The following FREM1 variants were observed in gnomAD, a reference collection of about 807,000 sequenced individuals.
FREM1 encodes FRAS1 related extracellular matrix 1.
Under a neutral mutation model 210.1 loss-of-function variants are expected in FREM1, and 220 were observed. That is an observed-to-expected ratio of 1.05 (90% CI 0.94 to 1.17). FREM1 has a LOEUF of 1.17. Among genes scored for constraint, FREM1 ranks in the 50% most tolerant of loss-of-function variants. The pLI, the probability that FREM1 is intolerant of heterozygous loss-of-function variation, is 0.00. For synonymous variants in FREM1, 1,189 were observed against 980.2 expected (o/e 1.21, Z -3.98); for missense variants, 3,454 against 2,675.5 (o/e 1.29, Z -6.42).
intron 1 of FREM1, among the ~76,000 whole-genome samples, chr9:14,871,249 G>T (rs536685157): frequency 6.6e-6 from 1 of 152,286 alleles, no homozygotes; most frequent in African/African-American, 2.4e-5. Context: ...CACAATGGTT[G>T]AACTAGTTTA....
chr9:14,797,446 A>C, intron 21 of FREM1, 52 bp downstream of exon 21: 1 of 1,494,772 alleles, frequency 6.7e-7, no homozygotes, highest in East Asian at 2.3e-5. Flanking sequence ...AGTATTGTAG[A>C]TTTCATAGAA....
At chr9:14,818,790 C>T (rs1445264716) in intron 14 of FREM1, among the ~76,000 whole-genome samples, 5 of 152,128 alleles carry the variant, frequency 3.3e-5, no homozygotes, top group East Asian at 3.9e-4. Context: ...CCTAGTAGAA[C>T]GGAATAAGGT....
intron 35 of FREM1, among the ~76,000 whole-genome samples, chr9:14,743,421 T>C (rs1841900070): frequency 6.6e-6 from 1 of 152,060 alleles, no homozygotes. Context: ...GTTGCTATTA[T>C]TTCATAAAAA....
intron 29 of FREM1, among the ~76,000 whole-genome samples, chr9:14,750,969 T>C (rs1843263025): frequency 6.6e-6 from 1 of 152,098 alleles, no homozygotes; most frequent in African/African-American, 2.4e-5. Flanking sequence ...TACAAAACAG[T>C]TTTGACCTTA....
In FREM1 at chr9:14,806,672, C is replaced by T; in HGVS notation, c.3263G>A (p.Gly1088Asp). The T allele has an allele frequency of 6.3e-7, 1 of 1,586,416 alleles. No individual in the cohort carries two copies. The highest frequency in any genetic ancestry group is 2.2e-5 in the East Asian group (1 of 44,544). Residue 1088 changes from glycine (G) to aspartate (D), a missense_variant, in exon 18 of 37, where the codon GGC becomes GAC. Gly to Asp is a moderately conservative substitution (Grantham distance 94, BLOSUM62 -1). Coordinates refer to ENST00000380880, the MANE Select transcript of FREM1 (RefSeq NM_001379081.2). ...AAGCTACAGCTTACCTATACTTATG[C>T]CAATATTGCTTTTTTCAAAACCCAC... The part of the protein sequence containing the change: ...PSVGFEKSNI[G>D]ISIDSFQWKD...
intron 1 of FREM1, among the ~76,000 whole-genome samples, chr9:14,880,467 G>A (rs967865790): frequency 8.6e-5 from 13 of 151,956 alleles, no homozygotes; most frequent in African/African-American, 3.1e-4. Context: ...AGCAGGGCCT[G>A]GTGGCATGCA....
Position 14,804,996 on chromosome 9 carries a change from G to C in FREM1, c.3431C>G (p.Thr1144Arg), listed in dbSNP as rs372626220. Residue 1144 changes from threonine to arginine, a missense_variant, in exon 19 of 37, where the codon ACA becomes AGA. By Grantham distance (71) the Thr-to-Arg change is moderately conservative. Coordinates refer to ENST00000380880, the MANE Select transcript of FREM1 (RefSeq NM_001379081.2). ...EIPFSIIINPTNDEAPDFVVQ... is the reference protein window; with the variant it reads ...EIPFSIIINPRNDEAPDFVVQ... ...TACAAAGTCAGGAGCTTCATCATTTGTGGGGTTGATTATAATAGAAAATGG... is the reference window on the plus strand; with the variant it reads ...TACAAAGTCAGGAGCTTCATCATTTCTGGGGTTGATTATAATAGAAAATGG... The C allele has an allele frequency of 6.8e-6, 11 of 1,613,410 alleles. No individual in the cohort carries two copies. The highest frequency in any genetic ancestry group is 2.7e-5 in the African/African-American group (2 of 74,906).
chr9:14,782,477 A>G (rs939716609), intron 24 of FREM1: 1 of 270,778 alleles, frequency 3.7e-6, no homozygotes, highest in African/African-American at 2.3e-5. Context: ...TCCTGTGGGC[A>G]TTGACGGAGG....
intron 1 of FREM1, among the ~76,000 whole-genome samples, chr9:14,901,419 C>T (rs1476768319): frequency 6.6e-6 from 1 of 152,134 alleles, no homozygotes; most frequent in Non-Finnish European, 1.5e-5. Flanking sequence ...CTCCTTATAA[C>T]ATTCTTTGAC....
At chr9:14,849,023 T>C (rs553185491) in intron 6 of FREM1, among the ~76,000 whole-genome samples, 11 of 152,372 alleles carry the variant, frequency 7.2e-5, no homozygotes, top group Middle Eastern at 6.8e-3. Flanking sequence ...GGTAATATGC[T>C]GGAGAAGTGT....
In FREM1 at chr9:14,909,903, C is replaced by T. The variant is rs897893385; in HGVS notation, c.-268+11G>A. 1.3e-5 allele frequency: 2 copies of T among 152,192 alleles called. No homozygotes were observed. Among genetic ancestry groups the T allele is most frequent in the Admixed American group, 1.3e-4 (2 of 15,274 alleles). 9.4% of individuals were successfully genotyped at this position (152,192 alleles called of 1,614,324 possible). A position where few individuals can be genotyped will look rare whatever the true frequency, so the allele number is the denominator to read the frequency against. Reference sequence around the variant, plus strand: ...TCACAATGAAAAGAAACACATAAAACAGATACTTACAGGTAGTGGTTTTCC... The same window carrying T: ...TCACAATGAAAAGAAACACATAAAATAGATACTTACAGGTAGTGGTTTTCC... On this transcript the variant is annotated intron_variant, in intron 1 of 36. Coordinates refer to ENST00000380880, the MANE Select transcript of FREM1 (RefSeq NM_001379081.2).
At chr9:14,740,782 C>T (rs549090312) in intron 35 of FREM1, among the ~76,000 whole-genome samples, 1 of 152,210 alleles carries the variant, frequency 6.6e-6, no homozygotes, top group South Asian at 2.1e-4. Flanking sequence ...ATATAATGCA[C>T]AGAAATTAAA....
chr9:14,806,337 C>A (rs1417057657), intron 18 of FREM1, among the ~76,000 whole-genome samples: 2 of 149,290 alleles, frequency 1.3e-5, no homozygotes, highest in African/African-American at 4.9e-5. Flanking sequence ...CTCACTGCAA[C>A]CTCTGCCTCC....
chr9:14,745,755 T>G (rs1842302077), intron 35 of FREM1, among the ~76,000 whole-genome samples: 2 of 152,208 alleles, frequency 1.3e-5, no homozygotes, highest in African/African-American at 2.4e-5. Flanking sequence ...CAGGGATAGG[T>G]ACATATGCAT....
intron 22 of FREM1, chr9:14,791,235 G>C (rs891910636): frequency 6.6e-6 from 1 of 152,126 alleles, no homozygotes; most frequent in African/African-American, 2.4e-5. Flanking sequence ...GTCTGAATCA[G>C]ACTGAAATTT....
intron 36 of FREM1, among the ~76,000 whole-genome samples, chr9:14,738,941 C>A (rs374225528): frequency 7.7e-6 from 1 of 129,122 alleles, no homozygotes; most frequent in Non-Finnish European, 1.5e-5. Flanking sequence ...ACCCAGGGGG[C>A]GGAAGTTGCA....
intron 10 of FREM1, among the ~76,000 whole-genome samples, chr9:14,826,618 T>C (rs2818939): frequency 0.11 from 16,759 of 152,234 alleles, 1,417 homozygotes; most frequent in East Asian, 0.43. Context: ...TTTGAATGTT[T>C]GTGTTTTCTC....
At chr9:14,748,700 A>G (rs1418062414) in intron 30 of FREM1, 61 bp from the exon 31 acceptor site, 1 of 1,045,898 alleles carries the variant, frequency 9.6e-7, no homozygotes, top group Non-Finnish European at 1.4e-6. Context: ...AAGGTATCAC[A>G]TTGACACAGC....
chr9:14,837,305 A>T (rs983807948), intron 10 of FREM1, among the ~76,000 whole-genome samples: 1 of 152,128 alleles, frequency 6.6e-6, no homozygotes, highest in African/African-American at 2.4e-5. Context: ...GCTGGTGTCC[A>T]CCATACTTGG....
Sources: gnomAD v4.1 joint callset for allele counts (sites outside exome capture counted in the v4.1 genomes callset) on GRCh38, gnomAD v4.1.1 for gene constraint, MANE v1.5 for transcripts, NCBI Gene and HGNC (gene_info 2026-07-23, HGNC 2026-07-21) for gene names.